EIF3M: variants seen among roughly 807,000 people sequenced by gnomAD.
EIF3M encodes the protein B5 receptor.
In EIF3M, 25 loss-of-function variants were observed where a neutral mutation model predicts 49.7. The observed-to-expected ratio is 0.50, with a 90% CI of 0.37 to 0.70. The LOEUF (loss-of-function observed/expected upper bound fraction) is 0.70. EIF3M is among the 30% of genes least tolerant of loss of function. The pLI, the probability that EIF3M is intolerant of heterozygous loss-of-function variation, is 0.00. For missense variants in EIF3M, 350 were observed against 440.0 expected, an observed-to-expected ratio of 0.80 and a Z score of 1.83; for synonymous variants, 156 against 149.8, an observed-to-expected ratio of 1.04 and a Z score of -0.30.
At position 32,602,536 on chromosome 11, in the gene EIF3M, T is replaced by TGAA; in HGVS notation, c.*139_*141dup. 1 of 1,088,238 alleles carries TGAA rather than the reference T, an allele frequency of 9.2e-7. No homozygotes were observed. The highest frequency in any genetic ancestry group is 1.3e-6 in the Non-Finnish European group (1 of 784,694). The allele number at this position is 1,088,238 out of a possible 1,614,324, so 67.4% of individuals were successfully genotyped here. ...CTAAAATCACAAACTCCAGAGGATA[T>TGAA]GAAGTAATAAATTACAAGGGGTCAC... On this transcript the variant is annotated 3_prime_UTR_variant, in exon 11 of 11. Transcript: ENST00000531120.
intron 5 of EIF3M, 126 bp downstream of exon 5, chr11:32,589,767 T>C: frequency 1.6e-6 from 1 of 635,740 alleles, no homozygotes; most frequent in Non-Finnish European, 2.6e-6. Context: ...GCTATAAATC[T>C]ATTTCTATAA....
At chr11:32,601,518 A>G in intron 9 of EIF3M, 1 of 307,186 alleles carries the variant, frequency 3.3e-6, no homozygotes, top group Non-Finnish European at 5.9e-6. Flanking sequence ...AAAAAAAAAA[A>G]AAAAACAGCA....
At position 32,600,677 on chromosome 11, in the gene EIF3M, T is replaced by C; in HGVS notation, c.800-12T>C. 2.9e-5 allele frequency: 47 copies of C among 1,601,474 alleles called. No individual in the cohort carries two copies. The highest frequency in any genetic ancestry group is 3.7e-5 in the Non-Finnish European group (43 of 1,174,290). ...ATGAACACTCATCAGGCTTCACTATTCTGTTTTCTAGGCCTGTTACATGAA... is the reference window on the plus strand; with the variant it reads ...ATGAACACTCATCAGGCTTCACTATCCTGTTTTCTAGGCCTGTTACATGAA... On this transcript the variant is annotated splice_polypyrimidine_tract_variant and intron_variant, in intron 8 of 10. Coordinates refer to ENST00000531120, the MANE Select transcript of EIF3M (RefSeq NM_006360.6).
chr11:32,585,252 T>G (rs1854977839), intron 1 of EIF3M, among the ~76,000 whole-genome samples: 1 of 152,044 alleles, frequency 6.6e-6, no homozygotes, highest in African/African-American at 2.4e-5. Flanking sequence ...TGGAAGCATG[T>G]TACCAACAGT....
chr11:32,587,593 C>A (rs956791370), intron 2 of EIF3M, among the ~76,000 whole-genome samples: 3 of 152,132 alleles, frequency 2.0e-5, no homozygotes, highest in Non-Finnish European at 4.4e-5. Flanking sequence ...TTATTTTATA[C>A]ATAGGTGTAT....
chr11:32,588,536 A>C, intron 2 of EIF3M, 58 bp from the exon 3 acceptor site: 4 of 1,573,274 alleles, frequency 2.5e-6, no homozygotes, highest in Non-Finnish European at 3.5e-6. Context: ...TGCATATTTA[A>C]CTAGACGCAT....
In EIF3M at chr11:32,604,458, G is replaced by T. The variant is rs1261931501; in HGVS notation, c.*2059G>T. 1 of 152,110 alleles carries T rather than the reference G, an allele frequency of 6.6e-6. No individual in the cohort carries two copies. The highest frequency in any genetic ancestry group is 2.4e-5 in the African/African-American group (1 of 41,416). The allele number at this position is 152,110 out of a possible 1,614,324, so 9.4% of individuals were successfully genotyped here. The stretch of plus-strand genomic sequence containing the variant: ...CGTGTATTTTAGAAATATGAAACAG[G>T]ATAAGAATTACATTAAAATCACCCA... On this transcript the variant is annotated 3_prime_UTR_variant, in exon 11 of 11. Coordinates refer to ENST00000531120, the MANE Select transcript of EIF3M (RefSeq NM_006360.6).
intron 5 of EIF3M, chr11:32,592,175 A>T: frequency 2.9e-6 from 1 of 349,826 alleles, no homozygotes. Context: ...CAAAACTACC[A>T]TCTCCAAAGT....
Position 32,593,888 on chromosome 11 carries a change from G to A in EIF3M, c.556G>A (p.Val186Met). 1 of 1,578,078 alleles carries A rather than the reference G, an allele frequency of 6.3e-7. No homozygotes were observed. The highest frequency in any genetic ancestry group is 8.6e-7 in the Non-Finnish European group (1 of 1,163,714). ...KKSDAASKVM[V>M]ELLGSYTEDN... ...TAGTGATGCTGCTTCAAAAGTCATG[G>A]TGGAATTGCTCGGAAGTTACACAGA... The change falls in exon 6 of 11, where the codon GTG becomes ATG. Residue 186 changes from valine (V) to methionine (M), a missense_variant. Val to Met is a conservative substitution (Grantham distance 21). Transcript: ENST00000531120.
chr11:32,595,545 C>G (rs1412567400), intron 7 of EIF3M, among the ~76,000 whole-genome samples: 1 of 152,138 alleles, frequency 6.6e-6, no homozygotes, highest in African/African-American at 2.4e-5. Context: ...ACCTCCCTTT[C>G]TTTCATCTTC....
In EIF3M at chr11:32,602,481, A is replaced by C; in HGVS notation, c.*82A>C. ...CATTATAAACTAAAAAAATTTGCCT[A>C]GTCTGGACAGTTATTGTCTCAAATT... On this transcript the variant is annotated 3_prime_UTR_variant, in exon 11 of 11. Coordinates refer to ENST00000531120, the MANE Select transcript of EIF3M (RefSeq NM_006360.6). The C allele has an allele frequency of 1.4e-6, 2 of 1,472,614 alleles. No homozygotes were observed. The highest frequency in any genetic ancestry group is 1.8e-6 in the Non-Finnish European group (2 of 1,099,412). 91.2% of individuals were successfully genotyped at this position (1,472,614 alleles called of 1,614,324 possible).
chr11:32,587,030 T>G lies in EIF3M; in HGVS notation c.61T>G (p.Tyr21Asp). The G allele has an allele frequency of 6.2e-7, 1 of 1,611,050 alleles. No individual in the cohort carries two copies. Among genetic ancestry groups the G allele is most frequent in the East Asian group, 2.2e-5 (1 of 44,850 alleles). Residue 21 changes from tyrosine to aspartate, a missense_variant, in exon 2 of 11, where the codon TAT (tyrosine) becomes GAT (aspartate). Tyr to Asp is a radical substitution (Grantham distance 160). Transcript: ENST00000531120. Reference sequence around the variant, plus strand: ...TCAACAGGCTGCTGAGCTTCGTGCTTATCTGAAATCTAAAGGAGCTGAGAT... The same window carrying G: ...TCAACAGGCTGCTGAGCTTCGTGCTGATCTGAAATCTAAAGGAGCTGAGAT... ...EEDQAAELRA[Y>D]LKSKGAEISE...
In EIF3M at chr11:32,594,894, A is replaced by G. The variant is rs1565049151; in HGVS notation, c.618-20A>G. On this transcript the variant is annotated intron_variant, in intron 6 of 10. Transcript: ENST00000531120. ...CAGGATTTCAAAACCCTGAGCTTAC[A>G]TTTTTGTTCTCTAATTAAGGTGTAT... The G allele has an allele frequency of 3.1e-6, 5 of 1,591,358 alleles. No individual in the cohort carries two copies. The highest frequency in any genetic ancestry group is 1.4e-5 in the African/African-American group (1 of 72,364).
At chr11:32,595,299 C>T (rs1270765189) in intron 7 of EIF3M, among the ~76,000 whole-genome samples, 3 of 151,916 alleles carry the variant, frequency 2.0e-5, no homozygotes, top group Non-Finnish European at 4.4e-5. Context: ...GATCTTGGCT[C>T]ACTGCAACCT....
At chr11:32,598,058 C>A (rs191936254) in intron 8 of EIF3M, among the ~76,000 whole-genome samples, 19 of 152,188 alleles carry the variant, frequency 1.2e-4, no homozygotes, top group East Asian at 7.7e-4. Flanking sequence ...TGCACTAGAC[C>A]CAGAAAACCA....
At chr11:32,601,692 GT>G (rs1855268114) in intron 9 of EIF3M, 69 bp from the exon 10 acceptor site, 2 of 1,448,584 alleles carry the variant, frequency 1.4e-6, no homozygotes, top group Admixed American at 3.9e-5. Flanking sequence ...CTTGGTCACA[GT>G]TTTCATACCT....
In EIF3M at chr11:32,602,919, A is replaced by T; in HGVS notation, c.*520A>T. On this transcript the variant is annotated 3_prime_UTR_variant, in exon 11 of 11. Transcript: ENST00000531120. The stretch of plus-strand genomic sequence containing the variant: ...TTTCACTTTTATTTAGTTGATTCGT[A>T]ATGAGGCTCTGCCAGTCATCATCAC... The T allele has an allele frequency of 6.2e-7, 1 of 1,612,950 alleles. No homozygotes were observed. Among genetic ancestry groups the T allele is most frequent in the Non-Finnish European group, 8.5e-7 (1 of 1,179,356 alleles).
Position 32,593,906 on chromosome 11 carries a change from T to TA in EIF3M, c.575dup (p.Tyr192Ter). 6.3e-7 allele frequency: 1 copy of TA among 1,579,992 alleles called. No homozygotes were observed. Among genetic ancestry groups the TA allele is most frequent in the Non-Finnish European group, 8.6e-7 (1 of 1,164,454 alleles). ...AGTCATGGTGGAATTGCTCGGAAGT[T>TA]ACACAGAGGACAATGCTTCCCAGGC... ...SKVMVELLGSYTEDNASQARV... is the reference protein window; with the variant it reads ...SKVMVELLGS Residue 192 changes from tyrosine to a stop codon, truncating the protein, a stop_gained and frameshift_variant, in exon 6 of 11, where the codon TAC (tyrosine) becomes TAAC (stop). Coordinates refer to ENST00000531120, the MANE Select transcript of EIF3M (RefSeq NM_006360.6). LOFTEE classifies it high-confidence loss of function.
At chr11:32,590,277 C>A (rs921664077) in intron 5 of EIF3M, among the ~76,000 whole-genome samples, 1 of 152,156 alleles carries the variant, frequency 6.6e-6, no homozygotes, top group Admixed American at 6.5e-5. Context: ...CATGCCTATT[C>A]ATTTACATAT....
Sources: allele counts gnomAD v4.1 joint callset (sites outside exome capture counted in the v4.1 genomes callset), GRCh38; gene constraint gnomAD v4.1.1; transcripts MANE v1.5; gene names NCBI Gene and HGNC (gene_info 2026-07-23, HGNC 2026-07-21).